Variants in PRH1 observed in about 807,000 individuals in gnomAD.
PRH1 encodes the protein proline rich protein HaeIII subfamily 1, also known as salivary acidic proline-rich phosphoprotein 1/2.
Under a neutral mutation model 7.9 loss-of-function variants are expected in PRH1, and 7 were observed. The ratio of observed to expected loss-of-function variants is 0.89; its 90% confidence interval spans 0.50 to 1.67. The LOEUF is 1.67. Ranked by LOEUF, PRH1 falls within the 40% of genes most tolerant of loss-of-function variation. The pLI, the probability that PRH1 is intolerant of heterozygous loss-of-function variation, is 0.00. For synonymous variants in PRH1, 45 were observed against 80.8 expected (o/e 0.56, Z 2.38); for missense variants, 109 against 223.6 (o/e 0.49, Z 3.27).
In PRH1 at chr12:11,138,950, G is replaced by C. The variant is rs186503702; in HGVS notation, n.40-17770C>G. ...AGCTACTCTGGAGGCTGAACTGAGA[G>C]AATCACTTCAGCCCGGGTGGCAGAG... On this transcript the variant is annotated intron_variant and non_coding_transcript_variant, in intron 1 of 1. Coordinates refer to the PRH1 transcript ENST00000541175. Among the ~76,000 whole-genome samples, 126 of 152,276 alleles carry C rather than the reference G, an allele frequency of 8.3e-4. 1 individual carries two copies. In the East Asian group the frequency reaches 0.023, roughly 27 times the overall value.
chr12:10,888,505 G>A (rs1949526179), upstream of PRH1, among the ~76,000 whole-genome samples: 1 of 152,180 alleles, frequency 6.6e-6, no homozygotes, highest in South Asian at 2.1e-4. Flanking sequence ...GTGACTTAAA[G>A]TATATATCTA....
At chr12:10,942,544 G>T (rs1453471169) in intron 2 of PRH1, among the ~76,000 whole-genome samples, 2 of 152,148 alleles carry the variant, frequency 1.3e-5, no homozygotes, top group African/African-American at 4.8e-5. Flanking sequence ...CAAAGGGCTG[G>T]TCTCACTCCC....
At chr12:10,971,273 T>C (rs191154933) in intron 2 of PRH1, among the ~76,000 whole-genome samples, 1 of 152,332 alleles carries the variant, frequency 6.6e-6, no homozygotes, top group Admixed American at 6.5e-5. Context: ...ATGTAATAAA[T>C]TGCAATGTAT....
At chr12:11,121,063 G>A (rs964789575) in exon 2 of PRH1, 4 of 153,404 alleles carry the variant, frequency 2.6e-5, no homozygotes, top group African/African-American at 9.7e-5. Context: ...AGGCCTTCAT[G>A]ATGTGTTTTA....
At chr12:11,113,368 A>AT (rs1490160866) in intron 1 of PRH1, among the ~76,000 whole-genome samples, 1 of 152,190 alleles carries the variant, frequency 6.6e-6, no homozygotes, top group African/African-American at 2.4e-5. Flanking sequence ...AAACAGATAT[A>AT]TAGACCAATG....
chr12:10,986,174 T>C, intron 1 of PRH1: 3 of 1,614,058 alleles, frequency 1.9e-6, no homozygotes, highest in Non-Finnish European at 2.5e-6. Context: ...AGATCAGAGT[T>C]TGCAAAGCTT....
chr12:10,929,006 G>A (rs1416345323), intron 2 of PRH1, among the ~76,000 whole-genome samples: 2 of 152,160 alleles, frequency 1.3e-5, no homozygotes, highest in Admixed American at 6.5e-5. Context: ...ACACAGTTCC[G>A]TCAAAACATT....
intron 2 of PRH1, among the ~76,000 whole-genome samples, chr12:10,920,736 A>T (rs1203712253): frequency 1.3e-5 from 2 of 152,058 alleles, no homozygotes; most frequent in African/African-American, 4.8e-5. Context: ...CTATGTAACA[A>T]TATTTTTGTC....
At chr12:11,113,478 T>C (rs991947295) in intron 1 of PRH1, among the ~76,000 whole-genome samples, 1 of 152,166 alleles carries the variant, frequency 6.6e-6, no homozygotes, top group Middle Eastern at 3.2e-3. Flanking sequence ...GATTCCCTAT[T>C]TGATAAATGG....
chr12:11,024,050 GA>G (rs1941790746), intron 1 of PRH1, among the ~76,000 whole-genome samples: 1 of 113,616 alleles, frequency 8.8e-6, no homozygotes, highest in South Asian at 3.2e-4. Context: ...AACCTATTCA[GA>G]AATCTGTGGT....
intron 1 of PRH1, among the ~76,000 whole-genome samples, chr12:11,068,506 T>C (rs887713905): frequency 8.5e-5 from 13 of 152,204 alleles, no homozygotes; most frequent in Admixed American, 7.9e-4. Context: ...TATGCCACAA[T>C]TTGTTTATCC....
intron 2 of PRH1, among the ~76,000 whole-genome samples, chr12:10,901,482 T>C (rs1949723078): frequency 1.3e-5 from 2 of 152,162 alleles, no homozygotes; most frequent in Admixed American, 6.5e-5. Flanking sequence ...GGAAGACCTA[T>C]AGGTGGACCT....
At chr12:10,922,123 T>C (rs763076305) in intron 2 of PRH1, among the ~76,000 whole-genome samples, 60 of 152,206 alleles carry the variant, frequency 3.9e-4, no homozygotes, top group Non-Finnish European at 7.5e-4. Context: ...TAGGAATAAA[T>C]ATAAAATAAA....
At chr12:10,911,704 T>A (rs573374985) in intron 2 of PRH1, among the ~76,000 whole-genome samples, 1 of 152,348 alleles carries the variant, frequency 6.6e-6, no homozygotes, top group Admixed American at 6.5e-5. Context: ...TCATATCATT[T>A]GTTTAGAAAT....
chr12:11,099,051 AT>A (rs1405250660), intron 1 of PRH1, among the ~76,000 whole-genome samples: 1 of 152,150 alleles, frequency 6.6e-6, no homozygotes, highest in African/African-American at 2.4e-5. Flanking sequence ...TTATTATTAT[AT>A]AAAATATTTA....
At chr12:11,109,249 AG>A (rs1192497562) in intron 1 of PRH1, among the ~76,000 whole-genome samples, 1 of 152,192 alleles carries the variant, frequency 6.6e-6, no homozygotes, top group Admixed American at 6.5e-5. Flanking sequence ...CAGCATCAGC[AG>A]ACATAAACTT....
intron 1 of PRH1, among the ~76,000 whole-genome samples, chr12:10,983,566 C>T (rs1370763840): frequency 1.3e-5 from 2 of 152,194 alleles, no homozygotes; most frequent in East Asian, 1.9e-4. Flanking sequence ...GATGATGGAA[C>T]GCAGAACAGC....
chr12:10,908,212 A>T (rs1949834097), intron 2 of PRH1: 1 of 531,782 alleles, frequency 1.9e-6, no homozygotes, highest in Non-Finnish European at 3.2e-6. Context: ...TAAATACATA[A>T]TATTCTTAGG....
chr12:10,921,669 CA>C (rs1053955585), intron 2 of PRH1, among the ~76,000 whole-genome samples: 136 of 152,150 alleles, frequency 8.9e-4, no homozygotes, highest in African/African-American at 3.0e-3. Flanking sequence ...GGTTGACATC[CA>C]AAAGCATAAT....
Sources: allele counts gnomAD v4.1 joint callset (sites outside exome capture counted in the v4.1 genomes callset), GRCh38; gene constraint gnomAD v4.1.1; transcripts MANE v1.5; gene names NCBI Gene and HGNC (gene_info 2026-07-23, HGNC 2026-07-21).